Variants in RNF169 observed in about 807,000 individuals in gnomAD.
RNF169 encodes E3 ubiquitin-protein ligase RNF169.
Under a neutral mutation model 53.9 loss-of-function variants are expected in RNF169, and 24 were observed. The ratio of observed to expected loss-of-function variants is 0.45; its 90% CI spans 0.32 to 0.63. The LOEUF (loss-of-function observed/expected upper bound fraction) is 0.63, where lower values mean the gene tolerates loss of function less well. Ranked by LOEUF, RNF169 falls within the 20% of genes least tolerant of loss-of-function variation. RNF169 has a pLI of 0.04. For synonymous variants in RNF169, 396 were observed against 363.5 expected (o/e 1.09, Z -1.02); for missense variants, 883 against 906.2 (o/e 0.97, Z 0.33).
At chr11:74,787,911 G>T (rs2035526764) in intron 1 of RNF169, among the ~76,000 whole-genome samples, 1 of 152,012 alleles carries the variant, frequency 6.6e-6, no homozygotes, top group Non-Finnish European at 1.5e-5. Flanking sequence ...CCTGTATTTA[G>T]AACTTTTTAT....
chr11:74,762,932 T>G (rs568357549), intron 1 of RNF169, among the ~76,000 whole-genome samples: 5 of 152,286 alleles, frequency 3.3e-5, no homozygotes, highest in African/African-American at 1.2e-4. Flanking sequence ...CAGGTTGAGT[T>G]TTACCATATG....
chr11:74,804,627 A>C (rs969854912), intron 2 of RNF169, among the ~76,000 whole-genome samples: 1 of 152,052 alleles, frequency 6.6e-6, no homozygotes, highest in Non-Finnish European at 1.5e-5. Context: ...CATTTATCTC[A>C]GTGTTTAATA....
At chr11:74,797,910 T>C (rs951703736) in intron 2 of RNF169, among the ~76,000 whole-genome samples, 12 of 152,244 alleles carry the variant, frequency 7.9e-5, no homozygotes, top group Non-Finnish European at 1.8e-4. Flanking sequence ...AAATTAATAC[T>C]TTTATAATTT....
intron 1 of RNF169, among the ~76,000 whole-genome samples, chr11:74,788,673 G>A (rs2035539893): frequency 6.6e-6 from 1 of 152,196 alleles, no homozygotes; most frequent in Non-Finnish European, 1.5e-5. Flanking sequence ...TGGATTACAG[G>A]TGTGTGCCTG....
At chr11:74,829,908 G>C (rs2036153823) in intron 4 of RNF169, among the ~76,000 whole-genome samples, 1 of 152,136 alleles carries the variant, frequency 6.6e-6, no homozygotes, top group Non-Finnish European at 1.5e-5. Context: ...TGGATGCTGG[G>C]CTTAATACCT....
intron 1 of RNF169, among the ~76,000 whole-genome samples, chr11:74,765,438 A>G (rs372226136): frequency 1.2e-4 from 18 of 152,242 alleles, no homozygotes; most frequent in East Asian, 7.7e-4. Flanking sequence ...TAATAGTGAA[A>G]ATATAACCAA....
chr11:74,780,396 A>C (rs2035400044), intron 1 of RNF169, among the ~76,000 whole-genome samples: 1 of 152,206 alleles, frequency 6.6e-6, no homozygotes, highest in Non-Finnish European at 1.5e-5. Flanking sequence ...TATCTGACAC[A>C]ACATAGTCAC....
chr11:74,835,699 T>C lies in RNF169; in HGVS notation c.1096T>C (p.Ser366Pro). The C allele has an allele frequency of 6.2e-7, 1 of 1,614,160 alleles. No homozygotes were observed. Among genetic ancestry groups the C allele is most frequent in the Non-Finnish European group, 8.5e-7 (1 of 1,180,024 alleles). The change falls in exon 6 of 6, where the codon TCT becomes CCT. Residue 366 changes from serine (S) to proline (P), a missense_variant. This residue lies in a region of RNF169 where 219 missense variants were observed against 289.1 expected (regional missense o/e 0.76). Transcript: ENST00000299563. ...SLASLHKPER[S>P]VSPESNDSIS... ...GGCTTCCCTGCATAAGCCAGAGCGT[T>C]CTGTCAGCCCTGAGAGCAATGACAG...
intron 2 of RNF169, among the ~76,000 whole-genome samples, chr11:74,800,380 G>A (rs2035712291): frequency 6.6e-6 from 1 of 152,160 alleles, no homozygotes; most frequent in African/African-American, 2.4e-5. Flanking sequence ...TACAGATGAT[G>A]TAGATATTTT....
intron 5 of RNF169, among the ~76,000 whole-genome samples, chr11:74,834,985 CCTT>C (rs112946379): frequency 4.4e-4 from 67 of 152,034 alleles, no homozygotes; most frequent in African/African-American, 1.6e-3. Flanking sequence ...GAGAATCCCC[CCTT>C]CTTTTTTTTT....
intron 1 of RNF169, among the ~76,000 whole-genome samples, chr11:74,788,157 G>C (rs926147693): frequency 1.3e-5 from 2 of 152,056 alleles, no homozygotes; most frequent in African/African-American, 4.8e-5. Flanking sequence ...TGGCATCCAG[G>C]ATCAAAGAGC....
chr11:74,789,522 C>T, intron 1 of RNF169, 104 bp from the exon 2 acceptor site: 1 of 682,362 alleles, frequency 1.5e-6, no homozygotes, highest in Non-Finnish European at 2.6e-6. Flanking sequence ...CTGTTCTTAG[C>T]TTTGATTTTT....
Position 74,841,532 on chromosome 11 carries a change from CTT to C in RNF169, c.*4803_*4804del, listed in dbSNP as rs956876122. On this transcript the variant is annotated 3_prime_UTR_variant, in exon 6 of 6. Coordinates refer to ENST00000299563, the MANE Select transcript of RNF169 (RefSeq NM_001098638.2). ...TATGTATTATCAGTATTTTTTTCCT[CTT>C]AAGAAAAAAATTTACTCTCTCTCCT... 2.0e-5 allele frequency: 3 copies of C among 152,006 alleles called. No homozygotes were observed. The highest frequency in any genetic ancestry group is 7.2e-5 in the African/African-American group (3 of 41,400). The allele number at this position is 152,006 out of a possible 1,614,324, so 9.4% of individuals were successfully genotyped here.
chr11:74,810,318 A>C lies in RNF169; in HGVS notation c.711A>C (p.Thr237=). 6.2e-7 allele frequency: 1 copy of C among 1,613,476 alleles called. No individual in the cohort carries two copies. Among genetic ancestry groups the C allele is most frequent in the Non-Finnish European group, 8.5e-7 (1 of 1,179,862 alleles). Residue 237 remains threonine (T), a synonymous_variant, in exon 3 of 6, where the codon ACA becomes ACC. Coordinates refer to ENST00000299563, the MANE Select transcript of RNF169 (RefSeq NM_001098638.2). ...GAGATGAACCATTAGTACTGAAAAC[A>C]AATCTGGAACGTGTAAGTAAATCAC... ...KKRDEPLVLK[T]NLERCPARLS... is the part of the protein sequence containing the mutation.
At chr11:74,804,673 G>GT (rs1367652502) in intron 2 of RNF169, among the ~76,000 whole-genome samples, 20 of 152,210 alleles carry the variant, frequency 1.3e-4, no homozygotes, top group South Asian at 6.2e-4. Context: ...GAAGTTTGGT[G>GT]TTTTTTTGTG....
At chr11:74,755,312 C>T in intron 1 of RNF169, among the ~76,000 whole-genome samples, 1 of 152,192 alleles carries the variant, frequency 6.6e-6, no homozygotes, top group East Asian at 1.9e-4. Flanking sequence ...CAGAATTGAA[C>T]AGCAGGAATT....
At chr11:74,797,366 G>A (rs1204353452) in intron 2 of RNF169, among the ~76,000 whole-genome samples, 1 of 151,922 alleles carries the variant, frequency 6.6e-6, no homozygotes, top group South Asian at 2.1e-4. Context: ...ATGTTGAGCT[G>A]GCCTTTTTCT....
intron 4 of RNF169, among the ~76,000 whole-genome samples, chr11:74,824,015 CAAG>C (rs1399516018): frequency 6.6e-6 from 1 of 151,952 alleles, no homozygotes; most frequent in African/African-American, 2.4e-5. Flanking sequence ...GCATAAGAAA[CAAG>C]AAACAATGAC....
rs1269268769 is a variant in RNF169 at position 74,835,610 on chromosome 11, G to A, written c.1007G>A (p.Arg336His). 8 of 1,613,980 alleles carry A rather than the reference G, an allele frequency of 5.0e-6. No homozygotes were observed. Among genetic ancestry groups the A allele is most frequent in the East Asian group, 2.2e-5 (1 of 44,886 alleles). Residue 336 changes from arginine (R) to histidine (H), a missense_variant, in exon 6 of 6, where the codon CGC becomes CAC. By Grantham distance (29) the Arg-to-His change is conservative (BLOSUM62 0). Around this residue, in one of 3 missense-constraint regions of RNF169, gnomAD observed 219 missense variants for 289.1 expected, o/e 0.76. Transcript: ENST00000299563. ...GTCCTCTTGTCAACTCAAAACAACC[G>A]CTGCGTCTCGGCCCCTGACTTAACC... ...IGVLLSTQNN[R>H]CVSAPDLTIE...
Sources: allele counts gnomAD v4.1 joint callset (sites outside exome capture counted in the v4.1 genomes callset), GRCh38; gene constraint gnomAD v4.1.1; regional missense constraint gnomAD v4.1.1; transcripts MANE v1.5; gene names NCBI Gene and HGNC (gene_info 2026-07-23, HGNC 2026-07-21).